Variants in ZNF705G observed in about 807,000 individuals in gnomAD.
ZNF705G encodes putative zinc finger protein 705G.
A neutral mutation model predicts 19.6 loss-of-function variants in ZNF705G; 23 were observed. The observed-to-expected ratio is 1.17, with a 90% confidence interval of 0.84 to 1.66. The LOEUF (loss-of-function observed/expected upper bound fraction) is 1.66. ZNF705G is among the 40% of genes most tolerant of loss of function. The probability of loss-of-function intolerance (pLI) is 0.00; values close to 1 mark genes in which losing one functional copy is unlikely to be tolerated. For synonymous variants in ZNF705G, 146 were observed against 117.7 expected (o/e 1.24, Z -1.56); for missense variants, 457 against 354.4 (o/e 1.29, Z -2.32).
At chr8:7,367,828 A>T (rs1346898113) in intron 2 of ZNF705G, among the ~76,000 whole-genome samples, 1 of 149,804 alleles carries the variant, frequency 6.7e-6, no homozygotes, top group Non-Finnish European at 1.5e-5. Flanking sequence ...CAAGGACTGA[A>T]GTTGCTTATG....
chr8:7,371,305 G>A (rs1448687938), intron 2 of ZNF705G, among the ~76,000 whole-genome samples: 1 of 135,092 alleles, frequency 7.4e-6, no homozygotes, highest in East Asian at 2.2e-4. Context: ...GTTGCCAGGG[G>A]CCGTGGTGCT....
At chr8:7,362,823 A>C in intron 3 of ZNF705G, 112 bp downstream of exon 3, 1 of 1,585,930 alleles carries the variant, frequency 6.3e-7, no homozygotes, top group Non-Finnish European at 8.5e-7. Context: ...CATCATAAAA[A>C]CAAACAAACA....
At chr8:7,370,387 T>G (rs1252274800) in intron 2 of ZNF705G, among the ~76,000 whole-genome samples, 1 of 149,488 alleles carries the variant, frequency 6.7e-6, no homozygotes, top group South Asian at 2.1e-4. Context: ...GGGATGTAAA[T>G]AAAAACCACC....
chr8:7,369,299 G>T (rs1015797805), intron 2 of ZNF705G, among the ~76,000 whole-genome samples: 2 of 149,550 alleles, frequency 1.3e-5, no homozygotes, highest in Admixed American at 6.6e-5. Flanking sequence ...GGGAAAGCCT[G>T]TATGTCCAAT....
chr8:7,371,583 C>G (rs1359183555), intron 2 of ZNF705G, among the ~76,000 whole-genome samples: 2 of 102,130 alleles, frequency 2.0e-5, no homozygotes, highest in African/African-American at 6.8e-5. Flanking sequence ...TATCCCCAAG[C>G]TCACTGAGAT....
rs201041638 is a variant in ZNF705G at position 7,358,516 on chromosome 8, C to T, written c.363G>A (p.Ser121=). Residue 121 remains serine, a synonymous_variant, in exon 7 of 7, where the codon TCG becomes TCA. Coordinates refer to ENST00000400156, the MANE Select transcript of ZNF705G (RefSeq NM_001164457.3). The part of the protein sequence containing the change: ...ILEDPFECND[S]GEDCTRSSTI... The stretch of plus-strand genomic sequence containing the variant: ...TGGAACTGCGAGTGCAATCTTCTCC[C>T]GAATCATTACATTCAAAAGGATCCT... 6.1e-4 allele frequency: 987 copies of T among 1,607,326 alleles called. 17 individuals are homozygous for T. Among genetic ancestry groups the T allele is most frequent in the South Asian group, 3.6e-3 (326 of 90,674 alleles).
At chr8:7,377,940 T>A (rs1453221188) in intron 2 of ZNF705G, among the ~76,000 whole-genome samples, 1 of 85,578 alleles carries the variant, frequency 1.2e-5, no homozygotes, top group African/African-American at 8.6e-5. Context: ...GGTGACAGAG[T>A]AAGACACTGT....
intron 2 of ZNF705G, among the ~76,000 whole-genome samples, chr8:7,363,697 T>C (rs867515702): frequency 2.0e-5 from 3 of 149,368 alleles, no homozygotes; most frequent in African/African-American, 7.7e-5. Flanking sequence ...GGTGCTTGCC[T>C]GTAATCCCAG....
intron 4 of ZNF705G, among the ~76,000 whole-genome samples, chr8:7,360,628 G>C (rs1446296106): frequency 6.7e-6 from 1 of 149,398 alleles, no homozygotes; most frequent in African/African-American, 2.6e-5. Context: ...TTCAGAAAGA[G>C]AGTAATTATA....
chr8:7,361,288 C>G, intron 3 of ZNF705G, 52 bp from the exon 4 acceptor site: 2 of 1,592,016 alleles, frequency 1.3e-6, no homozygotes, highest in Non-Finnish European at 1.7e-6. Flanking sequence ...TTTCAATGTC[C>G]GGAAGAGGAA....
At position 7,357,650 on chromosome 8, in the gene ZNF705G, C is replaced by A. The variant is rs1465982382; in HGVS notation, c.*326G>T. On this transcript the variant is annotated 3_prime_UTR_variant, in exon 7 of 7. Transcript: ENST00000400156. ...AAGTCTTTGGTACATACATGTCATA[C>A]AATTTCTCTTCCATATGAATTTATT... 1.5e-5 allele frequency: 7 copies of A among 463,320 alleles called. No homozygotes were observed. Among genetic ancestry groups the A allele is most frequent in the South Asian group, 1.0e-4 (4 of 38,118 alleles). The allele number at this position is 463,320 out of a possible 1,614,324, so 28.7% of individuals were successfully genotyped here.
chr8:7,370,516 A>G (rs1323931315), intron 2 of ZNF705G, among the ~76,000 whole-genome samples: 1 of 148,702 alleles, frequency 6.7e-6, no homozygotes, highest in Admixed American at 6.6e-5. Flanking sequence ...TACTATGTCC[A>G]TTTCAGATAA....
At chr8:7,369,411 G>GCC (rs1806998710) in intron 2 of ZNF705G, among the ~76,000 whole-genome samples, 1 of 149,384 alleles carries the variant, frequency 6.7e-6, no homozygotes, top group South Asian at 2.1e-4. Flanking sequence ...CTGGGGCACT[G>GCC]CCTAGTGGAG....
chr8:7,368,165 A>T (rs191080681), intron 2 of ZNF705G, among the ~76,000 whole-genome samples: 3 of 149,676 alleles, frequency 2.0e-5, no homozygotes, highest in Admixed American at 2.0e-4. Context: ...CAGACACTGA[A>T]TCTAATCAAA....
intron 6 of ZNF705G, among the ~76,000 whole-genome samples, chr8:7,359,116 T>C (rs1219583804): frequency 6.7e-6 from 1 of 149,682 alleles, no homozygotes; most frequent in Admixed American, 6.6e-5. Flanking sequence ...ACCTTTTACA[T>C]GAAAATTGTG....
intron 6 of ZNF705G, 110 bp from the exon 7 acceptor site, chr8:7,358,670 A>C (rs1806413541): frequency 2.0e-6 from 3 of 1,510,798 alleles, no homozygotes; most frequent in Non-Finnish European, 2.7e-6. Context: ...CCCCAGTTGA[A>C]AGCTTTCCAA....
chr8:7,362,256 A>G lies in ZNF705G; in HGVS notation c.12+679T>C, dbSNP rs1277404651. ...ATTATATTTCTTATATGTTACTTTT[A>G]CTTACCAGAAGGCAAAAAGGTTAAT... On this transcript the variant is annotated intron_variant, in intron 3 of 6. Coordinates refer to ENST00000400156, the MANE Select transcript of ZNF705G (RefSeq NM_001164457.3). Among the ~76,000 whole-genome samples the G allele has an allele frequency of 3.3e-5, 5 of 149,892 alleles. 1 individual carries two copies. Among genetic ancestry groups the G allele is most frequent in the African/African-American group, 1.3e-4 (5 of 39,276 alleles).
At chr8:7,365,377 T>C (rs1806809737) in intron 2 of ZNF705G, among the ~76,000 whole-genome samples, 1 of 68,644 alleles carries the variant, frequency 1.5e-5, no homozygotes. Flanking sequence ...CTCTCTCTAT[T>C]TTTTTTTTTT....
intron 2 of ZNF705G, among the ~76,000 whole-genome samples, chr8:7,378,839 C>A (rs1253977725): frequency 6.8e-6 from 1 of 146,914 alleles, no homozygotes; most frequent in Non-Finnish European, 1.5e-5. Flanking sequence ...TGATTAACAG[C>A]CTTAATTTCA....
Sources: gnomAD v4.1 joint callset for allele counts (sites outside exome capture counted in the v4.1 genomes callset) on GRCh38, gnomAD v4.1.1 for gene constraint, MANE v1.5 for transcripts, NCBI Gene and HGNC (gene_info 2026-07-23, HGNC 2026-07-21) for gene names.